Variants in ROBO1 observed in about 807,000 individuals in gnomAD.
The protein encoded by ROBO1 is roundabout homolog 1.
A neutral mutation model predicts 195.9 loss-of-function variants in ROBO1; 149 were observed. The observed-to-expected ratio is 0.76, with a 90% confidence interval of 0.67 to 0.87. The LOEUF (loss-of-function observed/expected upper bound fraction) is 0.87, where lower values mean the gene tolerates loss of function less well. ROBO1 is among the 40% of genes least tolerant of loss of function. ROBO1 has a pLI of 0.00. For synonymous variants in ROBO1, 816 were observed against 733.2 expected, an observed-to-expected ratio of 1.11 and a Z score of -1.82; for missense variants, 1,933 against 2,068.3, an observed-to-expected ratio of 0.93 and a Z score of 1.27.
chr3:79,477,057 T>G (rs963425399), intron 2 of ROBO1, among the ~76,000 whole-genome samples: 3 of 152,108 alleles, frequency 2.0e-5, no homozygotes, highest in African/African-American at 7.2e-5. Flanking sequence ...TCCATGATAT[T>G]TTGAAACATC....
At chr3:78,971,093 A>T (rs1043997343) in intron 3 of ROBO1, among the ~76,000 whole-genome samples, 1 of 152,180 alleles carries the variant, frequency 6.6e-6, no homozygotes, top group African/African-American at 2.4e-5. Flanking sequence ...GGAAATTCCT[A>T]TTAAAAATGT....
chr3:78,936,528 G>A (rs971702001), intron 4 of ROBO1, among the ~76,000 whole-genome samples: 5 of 151,954 alleles, frequency 3.3e-5, no homozygotes, highest in Non-Finnish European at 5.9e-5. Context: ...GAAAATAATA[G>A]GGGAAAAGAA....
chr3:79,746,238 C>T (rs1374174943), intron 1 of ROBO1, among the ~76,000 whole-genome samples: 5 of 151,964 alleles, frequency 3.3e-5, no homozygotes, highest in African/African-American at 1.2e-4. Flanking sequence ...ATGTGATTAA[C>T]ATATCCTCTT....
intron 2 of ROBO1, among the ~76,000 whole-genome samples, chr3:79,267,611 T>C (rs1469104618): frequency 6.6e-6 from 1 of 151,174 alleles, no homozygotes; most frequent in African/African-American, 2.4e-5. Context: ...GAAAGACCCA[T>C]CTCATTTATA....
rs562589123 is a variant in ROBO1 at position 79,622,552 on chromosome 3, T to G, written c.-50-32591A>C. ...AGACTTGTCCCCCAACAGCCCAACATACTGGCTGTGGCAGTCTGTGACAAG... is the reference window on the plus strand; with the variant it reads ...AGACTTGTCCCCCAACAGCCCAACAGACTGGCTGTGGCAGTCTGTGACAAG... On this transcript the variant is annotated intron_variant, in intron 1 of 30. Coordinates refer to ENST00000464233, the MANE Select transcript of ROBO1 (RefSeq NM_002941.4). Among the ~76,000 whole-genome samples, 6 of 152,318 alleles carry G rather than the reference T, an allele frequency of 3.9e-5. 1 individual carries two copies. In the South Asian group the frequency reaches 1.2e-3, roughly 32 times the overall value.
chr3:79,686,586 G>T (rs1360202256), intron 1 of ROBO1, among the ~76,000 whole-genome samples: 1 of 151,756 alleles, frequency 6.6e-6, no homozygotes, highest in Non-Finnish European at 1.5e-5. Context: ...AACAGACAGA[G>T]AGCCAAATCA....
intron 2 of ROBO1, among the ~76,000 whole-genome samples, chr3:79,224,934 G>A (rs527481556): frequency 1.3e-5 from 2 of 152,248 alleles, no homozygotes; most frequent in East Asian, 3.9e-4. Flanking sequence ...GTGATGAAGA[G>A]GAAGATGAAG....
At chr3:79,334,833 TG>T (rs2034599907) in intron 2 of ROBO1, among the ~76,000 whole-genome samples, 1 of 152,094 alleles carries the variant, frequency 6.6e-6, no homozygotes, top group African/African-American at 2.4e-5. Flanking sequence ...AGGCTGGATG[TG>T]GTGGCTCATG....
intron 2 of ROBO1, among the ~76,000 whole-genome samples, chr3:79,280,997 C>A (rs1159027085): frequency 2.0e-5 from 3 of 151,996 alleles, no homozygotes; most frequent in African/African-American, 7.2e-5. Context: ...CTGTGTTAGA[C>A]AATACTACAA....
chr3:79,547,184 C>CAAA (rs1162585941), intron 2 of ROBO1, among the ~76,000 whole-genome samples: 525 of 23,282 alleles, frequency 0.023, 119 homozygotes, highest in African/African-American at 0.072. Context: ...GACTCCGCCT[C>CAAA]AAAAAAAAAA....
chr3:79,256,101 G>C (rs369640154), intron 2 of ROBO1, among the ~76,000 whole-genome samples: 2 of 152,118 alleles, frequency 1.3e-5, no homozygotes, highest in East Asian at 3.9e-4. Context: ...TTGTTTGTTT[G>C]ACTGGCTTTT....
intron 2 of ROBO1, among the ~76,000 whole-genome samples, chr3:79,339,994 A>G (rs1293431342): frequency 6.6e-6 from 1 of 151,840 alleles, no homozygotes; most frequent in Non-Finnish European, 1.5e-5. Flanking sequence ...TCAAGTTCCA[A>G]CTCTCTATGT....
At chr3:79,504,525 G>A (rs891235137) in intron 2 of ROBO1, among the ~76,000 whole-genome samples, 3 of 152,068 alleles carry the variant, frequency 2.0e-5, no homozygotes, top group East Asian at 3.8e-4. Flanking sequence ...AAATTGGATA[G>A]ACAACTAAAT....
intron 1 of ROBO1, among the ~76,000 whole-genome samples, chr3:79,622,403 C>T (rs1333152514): frequency 6.6e-6 from 1 of 152,198 alleles, no homozygotes; most frequent in African/African-American, 2.4e-5. Context: ...GCAGCTGGTA[C>T]TGGGACTCAC....
chr3:79,223,300 AAT>A (rs1377359132), intron 2 of ROBO1, among the ~76,000 whole-genome samples: 1 of 152,080 alleles, frequency 6.6e-6, no homozygotes, highest in East Asian at 1.9e-4. Flanking sequence ...ATATCTCATA[AAT>A]CTACGTTCCC....
chr3:79,578,743 G>A (rs2107780361), intron 2 of ROBO1, among the ~76,000 whole-genome samples: 1 of 152,250 alleles, frequency 6.6e-6, no homozygotes, highest in South Asian at 2.1e-4. Context: ...ACGATGGTAA[G>A]ATTTTAAGAG....
intron 2 of ROBO1, among the ~76,000 whole-genome samples, chr3:79,408,594 G>A (rs1041953597): frequency 6.6e-6 from 1 of 152,058 alleles, no homozygotes; most frequent in Non-Finnish European, 1.5e-5. Flanking sequence ...TGCAGTTCTT[G>A]AGAAGGTCTT....
intron 5 of ROBO1, among the ~76,000 whole-genome samples, chr3:78,722,277 C>T (rs560761726): frequency 6.6e-6 from 1 of 152,176 alleles, no homozygotes; most frequent in East Asian, 1.9e-4. Context: ...TTGAAAGTAA[C>T]CCACCAGGCA....
At chr3:78,786,081 A>G (rs1248350338) in intron 4 of ROBO1, among the ~76,000 whole-genome samples, 1 of 151,350 alleles carries the variant, frequency 6.6e-6, no homozygotes, top group East Asian at 1.9e-4. Context: ...ATTAGTAAAG[A>G]GAAATACATA....
Sources: allele counts gnomAD v4.1 joint callset (sites outside exome capture counted in the v4.1 genomes callset), GRCh38; gene constraint gnomAD v4.1.1; transcripts MANE v1.5; gene names NCBI Gene and HGNC (gene_info 2026-07-23, HGNC 2026-07-21).